Variants in ROCK1 observed in about 807,000 individuals in gnomAD.
ROCK1 encodes the protein Rho associated coiled-coil containing protein kinase 1.
A neutral mutation model predicts 196.8 loss-of-function variants in ROCK1; 36 were observed. The ratio of observed to expected loss-of-function variants is 0.18; its 90% CI spans 0.14 to 0.24. The LOEUF is 0.24. Ranked by LOEUF, ROCK1 falls within the 10% of genes least tolerant of loss-of-function variation. The probability of loss-of-function intolerance (pLI) is 1.00; values close to 1 mark genes in which losing one functional copy is unlikely to be tolerated. For synonymous variants in ROCK1, 443 were observed against 515.9 expected, an observed-to-expected ratio of 0.86 and a Z score of 1.91; for missense variants, 920 against 1,562.0, an observed-to-expected ratio of 0.59 and a Z score of 6.93.
At chr18:20,973,709 G>A (rs937709015) in intron 22 of ROCK1, among the ~76,000 whole-genome samples, 1 of 152,076 alleles carries the variant, frequency 6.6e-6, no homozygotes, top group Non-Finnish European at 1.5e-5. Context: ...CTACTTAGAA[G>A]CTATTCTCAC....
intron 16 of ROCK1, 21 bp downstream of exon 16, chr18:21,006,330 C>A: frequency 3.2e-6 from 5 of 1,580,742 alleles, no homozygotes; most frequent in Non-Finnish European, 4.3e-6. Flanking sequence ...TATATTTTAC[C>A]ACAATAAGAA....
intron 13 of ROCK1, among the ~76,000 whole-genome samples, chr18:21,014,308 G>A (rs2035844922): frequency 6.6e-6 from 1 of 152,146 alleles, no homozygotes; most frequent in Non-Finnish European, 1.5e-5. Context: ...TCATTCATGT[G>A]TTGTTTCTCA....
chr18:21,070,841 C>A (rs1427047264), intron 1 of ROCK1, among the ~76,000 whole-genome samples: 1 of 152,174 alleles, frequency 6.6e-6, no homozygotes, highest in African/African-American at 2.4e-5. Flanking sequence ...AAGAAAATTA[C>A]CACAGATTGG....
intron 1 of ROCK1, among the ~76,000 whole-genome samples, chr18:21,099,564 C>G (rs995062433): frequency 6.6e-6 from 1 of 152,048 alleles, no homozygotes; most frequent in Admixed American, 6.6e-5. Flanking sequence ...GGCAACACAG[C>G]GAGACTCCAT....
intron 13 of ROCK1, among the ~76,000 whole-genome samples, chr18:21,014,328 T>TA (rs2035845131): frequency 6.6e-6 from 1 of 152,200 alleles, no homozygotes; most frequent in African/African-American, 2.4e-5. Flanking sequence ...AGGACGCAAG[T>TA]AACCCAGGTT....
At chr18:20,969,318 C>G (rs1472619660) in intron 23 of ROCK1, 110 bp from the exon 24 acceptor site, 4 of 589,140 alleles carry the variant, frequency 6.8e-6, no homozygotes, top group Non-Finnish European at 1.2e-5. Context: ...CACTGCTGAA[C>G]TACAGCAAAT....
At chr18:21,027,836 A>C (rs2035973131) in intron 10 of ROCK1, among the ~76,000 whole-genome samples, 1 of 123,422 alleles carries the variant, frequency 8.1e-6, no homozygotes, top group African/African-American at 3.2e-5. Flanking sequence ...ATCTCGGCTC[A>C]CTGCAAGCTC....
intron 1 of ROCK1, among the ~76,000 whole-genome samples, chr18:21,103,228 G>A (rs1047336580): frequency 1.3e-5 from 2 of 151,980 alleles, no homozygotes; most frequent in South Asian, 2.1e-4. Context: ...AATTATGAAC[G>A]TAAGTCACAA....
At chr18:21,083,688 G>GT (rs1461811555) in intron 1 of ROCK1, among the ~76,000 whole-genome samples, 1 of 152,052 alleles carries the variant, frequency 6.6e-6, no homozygotes, top group African/African-American at 2.4e-5. Context: ...TATGATTTTA[G>GT]TAATATTTTC....
At position 20,970,490 on chromosome 18, in the gene ROCK1, T is replaced by A. The variant is rs1022376012; in HGVS notation, c.2678A>T (p.Asp893Val). The A allele has an allele frequency of 6.2e-7, 1 of 1,608,510 alleles. No homozygotes were observed. Among genetic ancestry groups the A allele is most frequent in the Non-Finnish European group, 8.5e-7 (1 of 1,176,322 alleles). The change falls in exon 23 of 33, where the codon GAT (aspartate) becomes GTT (valine). Residue 893 changes from aspartate to valine, a missense_variant. This residue lies in a region of ROCK1 where 520 missense variants were observed against 657.1 expected (regional missense o/e 0.79). Coordinates refer to ENST00000399799, the MANE Select transcript of ROCK1 (RefSeq NM_005406.3). ...NEKETLATQLDLAETKAESEQ... is the reference protein window; with the variant it reads ...NEKETLATQLVLAETKAESEQ... The stretch of plus-strand genomic sequence containing the variant: ...AGACTCAGCTTTTGTTTCTGCTAGA[T>A]CCAACTGAGTAGCAAGAGTTTCTCT...
chr18:20,980,366 C>T (rs962365827), intron 21 of ROCK1, among the ~76,000 whole-genome samples: 5 of 151,980 alleles, frequency 3.3e-5, no homozygotes, highest in African/African-American at 9.7e-5. Context: ...AAAGAAACCA[C>T]GTGTTAAAGA....
chr18:21,043,399 TTATAACTA>T (rs2036124771), intron 6 of ROCK1, among the ~76,000 whole-genome samples: 1 of 151,916 alleles, frequency 6.6e-6, no homozygotes, highest in Admixed American at 6.6e-5. Flanking sequence ...TGAAACAGCA[TTATAACTA>T]AATGTTCATA....
intron 13 of ROCK1, among the ~76,000 whole-genome samples, chr18:21,011,490 C>G (rs572465081): frequency 2.0e-5 from 3 of 152,182 alleles, no homozygotes; most frequent in Non-Finnish European, 4.4e-5. Flanking sequence ...GGGTCTCACT[C>G]TGTCACCCAG....
rs551754694 is a variant in ROCK1 at position 21,111,395 on chromosome 18, G to C, written c.-485C>G. The C allele has an allele frequency of 3.4e-4, 137 of 399,758 alleles. No individual in the cohort carries two copies. Among genetic ancestry groups the C allele is most frequent in the African/African-American group, 2.5e-3 (120 of 47,960 alleles). 24.8% of individuals were successfully genotyped at this position (399,758 alleles called of 1,614,324 possible). ...AGCTGCGGCCGCCGCTCGGGCCACG[G>C]GCCGGGCCCGCTCCGCTCAGAGGCG... On this transcript the variant is annotated 5_prime_UTR_variant, in exon 1 of 33. Transcript: ENST00000399799. The surrounding 1 kb of genome is among the most constrained non-coding windows in gnomAD (Gnocchi z 4.2).
At chr18:21,002,187 A>G (rs2035730728) in intron 16 of ROCK1, among the ~76,000 whole-genome samples, 1 of 152,196 alleles carries the variant, frequency 6.6e-6, no homozygotes, top group Non-Finnish European at 1.5e-5. Flanking sequence ...AATTCAGGTT[A>G]TAGACCCCGA....
intron 2 of ROCK1, among the ~76,000 whole-genome samples, chr18:21,068,221 CTATTT>C (rs1322269652): frequency 6.6e-6 from 1 of 152,040 alleles, no homozygotes; most frequent in Admixed American, 6.5e-5. Context: ...CGTTGATGAT[CTATTT>C]TGAGTTAATT....
chr18:21,034,622 C>T (rs2036041050), intron 9 of ROCK1, among the ~76,000 whole-genome samples: 1 of 152,134 alleles, frequency 6.6e-6, no homozygotes, highest in South Asian at 2.1e-4. Context: ...TGGACCCTTA[C>T]TATACACTAT....
At chr18:21,052,076 A>G (rs933471546) in intron 2 of ROCK1, among the ~76,000 whole-genome samples, 4 of 152,230 alleles carry the variant, frequency 2.6e-5, no homozygotes, top group African/African-American at 9.6e-5. Context: ...GGCTCTAGCT[A>G]TGAGCTAGAA....
intron 29 of ROCK1, among the ~76,000 whole-genome samples, chr18:20,957,807 A>G (rs750918527): frequency 1.3e-4 from 8 of 62,052 alleles, no homozygotes; most frequent in Non-Finnish European, 2.1e-4. Flanking sequence ...TTCATAAATT[A>G]AAAAAAAAAA....
Sources: gnomAD v4.1 joint callset for allele counts (sites outside exome capture counted in the v4.1 genomes callset) on GRCh38, gnomAD v4.1.1 for gene constraint, gnomAD v4.1.1 regional missense constraint, Gnocchi (gnomAD v3.1) non-coding constraint, MANE v1.5 for transcripts, NCBI Gene and HGNC (gene_info 2026-07-23, HGNC 2026-07-21) for gene names.